Variants in SLC12A4 observed in about 807,000 individuals in gnomAD.
The protein encoded by SLC12A4 is solute carrier family 12 member 4.
A neutral mutation model predicts 119.2 loss-of-function variants in SLC12A4; 84 were observed. That is an observed-to-expected ratio of 0.70 (90% CI 0.59 to 0.85). The LOEUF is 0.85. Among genes scored for constraint, SLC12A4 ranks in the 40% least tolerant of loss-of-function variants. The pLI is 0.00. For missense variants in SLC12A4, 1,298 were observed against 1,476.3 expected, an observed-to-expected ratio of 0.88 and a Z score of 1.98; for synonymous variants, 599 against 604.6, an observed-to-expected ratio of 0.99 and a Z score of 0.14.
chr16:67,946,552 C>A lies in SLC12A4; in HGVS notation c.2323G>T (p.Ala775Ser). Residue 775 changes from alanine (A) to serine (S), a missense_variant, in exon 18 of 24, where the codon GCC becomes TCC. Transcript: ENST00000316341. The stretch of plus-strand genomic sequence containing the variant: ...AGGCCACAGGACTGGATGAGGTGGG[C>A]CAGCCCCTCCCGCACCTTGCTGGCC... Reference protein sequence around the residue: ...VVASKVREGLAHLIQSCGLGG... With the variant: ...VVASKVREGLSHLIQSCGLGG... 2 of 1,612,034 alleles carry A rather than the reference C, an allele frequency of 1.2e-6. No homozygotes were observed. Among genetic ancestry groups the A allele is most frequent in the Non-Finnish European group, 8.5e-7 (1 of 1,180,010 alleles).
chr16:67,946,837 C>T (rs2058356443), intron 17 of SLC12A4, 100 bp downstream of exon 17: 1 of 1,415,104 alleles, frequency 7.1e-7, no homozygotes, highest in Non-Finnish European at 9.6e-7. Flanking sequence ...TGCTGGCTGC[C>T]TGGCTGGCCA....
chr16:67,966,781 G>A (rs775622488), intron 1 of SLC12A4: 1 of 1,551,458 alleles, frequency 6.4e-7, no homozygotes, highest in South Asian at 1.2e-5. Flanking sequence ...CCATCCTGTA[G>A]ACAGCCAAGG....
chr16:67,946,354 G>C lies in SLC12A4; in HGVS notation c.2438-14C>G. On this transcript the variant is annotated splice_polypyrimidine_tract_variant and intron_variant, in intron 18 of 23. Transcript: ENST00000316341. Reference sequence around the variant, plus strand: ...AGCGCACGGTGTCTGGGGAGGAGGAGCACGGCTGACCACCAGTCTGTGGCC... The same window carrying C: ...AGCGCACGGTGTCTGGGGAGGAGGACCACGGCTGACCACCAGTCTGTGGCC... 1 of 1,606,304 alleles carries C rather than the reference G, an allele frequency of 6.2e-7. No homozygotes were observed. Among genetic ancestry groups the C allele is most frequent in the Non-Finnish European group, 8.5e-7 (1 of 1,179,856 alleles).
intron 2 of SLC12A4, 76 bp downstream of exon 2, chr16:67,963,389 C>G (rs1254023143): frequency 1.1e-6 from 1 of 898,140 alleles, no homozygotes; most frequent in Non-Finnish European, 1.7e-6. Flanking sequence ...ACAGAGGAGG[C>G]CCACGTGTCC....
At position 67,954,659 on chromosome 16, in the gene SLC12A4, G is replaced by T. The variant is rs751426296; in HGVS notation, c.659C>A (p.Ala220Asp). Reference protein sequence around the residue: ...TFAAAMYILGAIEILLTYIAP... With the variant: ...TFAAAMYILGDIEILLTYIAP... ...CTGACTCACCAGCAAGATCTCGATGGCCCCCAGGATGTACATGGCTGCTGC... is the reference window on the plus strand; with the variant it reads ...CTGACTCACCAGCAAGATCTCGATGTCCCCCAGGATGTACATGGCTGCTGC... The change falls in exon 6 of 24, where the codon GCC becomes GAC. Residue 220 changes from alanine (A) to aspartate (D), a missense_variant. Physicochemically the swap from Ala to Asp is moderately radical, Grantham distance 126 (BLOSUM62 -2). Transcript: ENST00000316341. The T allele has an allele frequency of 1.2e-6, 2 of 1,614,068 alleles. No homozygotes were observed. Among genetic ancestry groups the T allele is most frequent in the South Asian group, 2.2e-5 (2 of 91,086 alleles).
chr16:67,947,138 A>G, intron 16 of SLC12A4, 33 bp from the exon 17 acceptor site: 1 of 1,554,184 alleles, frequency 6.4e-7, no homozygotes, highest in Non-Finnish European at 8.7e-7. Context: ...GCCTGAGACC[A>G]GGGCCGGCCG....
rs554685397 is a variant in SLC12A4 at position 67,949,001 on chromosome 16, G to C, written c.1748+799C>G. On this transcript the variant is annotated intron_variant, in intron 13 of 23. Transcript: ENST00000316341. This position sits in a 1 kb window ranked among gnomAD's most constrained non-coding sequence, Gnocchi z 4.6. ...ACAAGCAAGAAGGAGCGTCAGCCAC[G>C]GAGCAGGGTGGGCGAGGACCCCAGC... Among the ~76,000 whole-genome samples the C allele has an allele frequency of 6.6e-6, 1 of 152,170 alleles. No individual in the cohort carries two copies. Among genetic ancestry groups the C allele is most frequent in the Non-Finnish European group, 1.5e-5 (1 of 68,034 alleles).
Position 67,949,866 on chromosome 16 carries a change from G to T in SLC12A4, c.1682C>A (p.Thr561Lys), listed in dbSNP as rs766344864. The change falls in exon 13 of 24, where the codon ACG becomes AAG. Residue 561 changes from threonine (T) to lysine (K), a missense_variant. Transcript: ENST00000316341. The surrounding 1 kb of genome is among the most constrained non-coding windows in gnomAD (Gnocchi z 4.6). ...GATGCCCAGCTCGGCGATGAGTGCC[G>T]TCAGGAGGAGTGCCCATGTGGGTTC... ...NGEPTWALLL[T>K]ALIAELGILI... 8.7e-6 allele frequency: 14 copies of T among 1,610,356 alleles called. No homozygotes were observed. The highest frequency in any genetic ancestry group is 1.2e-5 in the Non-Finnish European group (14 of 1,178,608).
At chr16:67,952,658 G>C (rs1387817428) in intron 6 of SLC12A4, among the ~76,000 whole-genome samples, 1 of 151,666 alleles carries the variant, frequency 6.6e-6, no homozygotes, top group African/African-American at 2.4e-5. Flanking sequence ...GGGCGTGGTG[G>C]CACGTGCCTG....
Position 67,954,846 on chromosome 16 carries a change from T to C in SLC12A4, c.545-73A>G, listed in dbSNP as rs2030161714. 3.2e-6 allele frequency: 5 copies of C among 1,582,892 alleles called. No homozygotes were observed. The African/African-American group carries it at 4.0e-5, about 13-fold the overall frequency. ...TCAAGGGGTCTCCCTGTGACAAGCC[T>C]GCACAACCACCCAGAGGGACAGGGA... On this transcript the variant is annotated intron_variant, in intron 5 of 23. Transcript: ENST00000316341.
intron 1 of SLC12A4, among the ~76,000 whole-genome samples, chr16:67,967,513 G>A (rs927946875): frequency 3.3e-5 from 5 of 152,120 alleles, no homozygotes; most frequent in African/African-American, 1.2e-4. Flanking sequence ...ATGCCACTAC[G>A]TACACAGACA....
chr16:67,963,535 C>A lies in SLC12A4; in HGVS notation c.140G>T (p.Ser47Ile). Residue 47 changes from serine to isoleucine, a missense_variant, in exon 2 of 24, where the codon AGC (serine) becomes ATC (isoleucine). Ser to Ile is a moderately radical substitution (Grantham distance 142). Transcript: ENST00000316341. ...AGCCTCCAAGGGGGAAAGAAAAGGG[C>A]TGCTCTCTCTGTGGTTGCCATGTCC... ...SDGHGNHRES[S>I]PFLSPLEASR... The A allele has an allele frequency of 6.3e-7, 1 of 1,584,978 alleles. No individual in the cohort carries two copies. The highest frequency in any genetic ancestry group is 8.5e-7 in the Non-Finnish European group (1 of 1,170,894).
chr16:67,947,124 G>A lies in SLC12A4; in HGVS notation c.2073-19C>T. The A allele has an allele frequency of 1.9e-6, 3 of 1,567,314 alleles. No individual in the cohort carries two copies. The highest frequency in any genetic ancestry group is 2.6e-6 in the Non-Finnish European group (3 of 1,160,660). On this transcript the variant is annotated intron_variant, in intron 16 of 23. Transcript: ENST00000316341. ...CTGCGGCCTGCAGTGGCCGGGTGGGGGGAGCCTGAGACCAGGGCCGGCCGT... is the reference window on the plus strand; with the variant it reads ...CTGCGGCCTGCAGTGGCCGGGTGGGAGGAGCCTGAGACCAGGGCCGGCCGT...
rs1160257993 is a variant in SLC12A4, at chr16:67,963,076, C to T, written c.210+389G>A. The T allele has an allele frequency of 2.6e-5, 4 of 155,328 alleles. No individual in the cohort carries two copies. In the East Asian group the frequency reaches 7.6e-4, roughly 30 times the overall value. The allele number at this position is 155,328 out of a possible 1,614,324, so 9.6% of individuals were successfully genotyped here. ...CAGGACTCAGGGAACTAGAGAGGGA[C>T]AGAGCTGGAAGGGTCAACCAAGAAA... On this transcript the variant is annotated intron_variant, in intron 2 of 23. Transcript: ENST00000316341.
chr16:67,953,497 T>C (rs901062264), intron 6 of SLC12A4, among the ~76,000 whole-genome samples: 4 of 152,260 alleles, frequency 2.6e-5, no homozygotes, highest in South Asian at 2.1e-4. Context: ...AATAGGCAAA[T>C]CCCAAGGCAG....
chr16:67,945,105 T>C lies in SLC12A4; in HGVS notation c.3148A>G (p.Ser1050Gly), dbSNP rs1167313261. The C allele has an allele frequency of 1.3e-6, 2 of 1,586,292 alleles. No homozygotes were observed. The highest frequency in any genetic ancestry group is 1.7e-6 in the Non-Finnish European group (2 of 1,164,494). ...LLNMPGPPRN[S>G]EGDENYMEFL... The stretch of plus-strand genomic sequence containing the variant: ...GGGATACAGTTCTCGTCGCCCTCAC[T>C]GTTCCTGGGTGGGCCAGGCATGTTT... The change falls in exon 23 of 24, where the codon AGT becomes GGT. Residue 1050 changes from serine (S) to glycine (G), a missense_variant. By Grantham distance (56) the Ser-to-Gly change is moderately conservative. Coordinates refer to ENST00000316341, the MANE Select transcript of SLC12A4 (RefSeq NM_005072.5).
At chr16:67,954,066 CG>C (rs2030101006) in intron 6 of SLC12A4, 2 of 319,528 alleles carry the variant, frequency 6.3e-6, no homozygotes, top group Non-Finnish European at 1.3e-5. Flanking sequence ...TCCCCAGGGG[CG>C]GGCACCTGTC....
chr16:67,966,772 C>T (rs1222382206), intron 1 of SLC12A4: 1 of 1,551,396 alleles, frequency 6.4e-7, no homozygotes, highest in Non-Finnish European at 8.7e-7. Flanking sequence ...GGGTGTCCCC[C>T]ATCCTGTAGA....
Position 67,963,480 on chromosome 16 carries a change from G to A in SLC12A4, c.195C>T (p.Asn65=). ...CCTCAGCTACCTCAAACAGTGCCAG[G>A]TTCCTGTCATAGTAGTCAATTCCTC... ...ASRGIDYYDR[N]LALFEEELDI... is the part of the protein sequence containing the mutation. The change falls in exon 2 of 24, where the codon AAC becomes AAT. Residue 65 remains asparagine, a synonymous_variant. Transcript: ENST00000316341. The A allele has an allele frequency of 6.3e-7, 1 of 1,579,234 alleles. No individual in the cohort carries two copies. The highest frequency in any genetic ancestry group is 8.5e-7 in the Non-Finnish European group (1 of 1,169,950).
Sources: gnomAD v4.1 joint callset for allele counts (sites outside exome capture counted in the v4.1 genomes callset) on GRCh38, gnomAD v4.1.1 for gene constraint, Gnocchi (gnomAD v3.1) non-coding constraint, MANE v1.5 for transcripts, NCBI Gene and HGNC (gene_info 2026-07-23, HGNC 2026-07-21) for gene names.